The following SGK1 variants were observed in gnomAD, a reference collection of about 807,000 sequenced individuals.
SGK1 encodes serum/glucocorticoid regulated kinase 1.
In SGK1, 26 loss-of-function variants were observed where a neutral mutation model predicts 64.2. The ratio of observed to expected loss-of-function variants is 0.40; its 90% CI spans 0.30 to 0.56. The LOEUF is 0.56. SGK1 is among the 20% of genes least tolerant of loss of function. The pLI, the probability that SGK1 is intolerant of heterozygous loss-of-function variation, is 0.38. For synonymous variants in SGK1, 265 were observed against 239.7 expected, an observed-to-expected ratio of 1.11 and a Z score of -0.98; for missense variants, 519 against 645.6, an observed-to-expected ratio of 0.80 and a Z score of 2.12.
At chr6:134,290,525 AT>A (rs1317119121) in intron 1 of SGK1, among the ~76,000 whole-genome samples, 1 of 152,028 alleles carries the variant, frequency 6.6e-6, no homozygotes, top group African/African-American at 2.4e-5. Flanking sequence ...CTTGAAATTA[AT>A]GTTCCAAATA....
chr6:134,187,835 G>T (rs748911226), intron 3 of SGK1, among the ~76,000 whole-genome samples: 2 of 152,220 alleles, frequency 1.3e-5, no homozygotes, highest in Non-Finnish European at 1.5e-5. Context: ...GTCTACTGCA[G>T]TAAGGACAAA....
chr6:134,182,737 T>C (rs1775349982), intron 3 of SGK1, among the ~76,000 whole-genome samples: 1 of 152,230 alleles, frequency 6.6e-6, no homozygotes. Context: ...AGGCGAGGCC[T>C]ATGTGACAGG....
chr6:134,250,629 T>C (rs972831954), intron 2 of SGK1, among the ~76,000 whole-genome samples: 8 of 152,222 alleles, frequency 5.3e-5, no homozygotes, highest in African/African-American at 1.7e-4. Flanking sequence ...ATAAGAAATA[T>C]CAAGGTGATA....
chr6:134,265,202 G>A (rs1052774871), intron 1 of SGK1, among the ~76,000 whole-genome samples: 2 of 152,080 alleles, frequency 1.3e-5, no homozygotes, highest in Non-Finnish European at 2.9e-5. Flanking sequence ...GCTCACGCCT[G>A]TAATCCCAGC....
intron 2 of SGK1, among the ~76,000 whole-genome samples, chr6:134,246,134 C>T (rs112758761): frequency 7.2e-5 from 11 of 151,782 alleles, no homozygotes; most frequent in African/African-American, 2.4e-4. Context: ...ATGGTTGAGG[C>T]TTGTTTCTTT....
At chr6:134,307,539 A>G (rs968783050) in intron 1 of SGK1, among the ~76,000 whole-genome samples, 7 of 152,252 alleles carry the variant, frequency 4.6e-5, no homozygotes, top group Admixed American at 1.3e-4. Context: ...TCGCATTTGC[A>G]TATAGCCAAT....
chr6:134,287,660 A>G (rs1403465195), intron 1 of SGK1, among the ~76,000 whole-genome samples: 3 of 151,936 alleles, frequency 2.0e-5, no homozygotes, highest in African/African-American at 7.2e-5. Flanking sequence ...TATATATTTA[A>G]TAGTATTAAA....
intron 1 of SGK1, among the ~76,000 whole-genome samples, chr6:134,274,782 T>C (rs1302065158): frequency 1.4e-5 from 2 of 147,048 alleles, no homozygotes; most frequent in African/African-American, 2.5e-5. Flanking sequence ...GGTATTGCCC[T>C]TTTAGTCTTT....
At position 134,269,657 on chromosome 6, in the gene SGK1, CAA is replaced by C. The variant is rs774346061; in HGVS notation, c.70-7511_70-7510del. The stretch of plus-strand genomic sequence containing the variant: ...TGGATGAAAGAGTGAGACTCTGTCT[CAA>C]AAAAAAAAAAAAAGAGAGAGAGAAA... On this transcript the variant is annotated intron_variant, in intron 1 of 13. Transcript: ENST00000367858. Among the ~76,000 whole-genome samples, 39 of 101,560 alleles carry C rather than the reference CAA, an allele frequency of 3.8e-4. 1 individual carries two copies. The highest frequency in any genetic ancestry group is 4.3e-4 in the Admixed American group (4 of 9,210). 66.6% of individuals were successfully genotyped at this position (101,560 alleles called of 152,430 possible).
rs989648759 is a variant in SGK1, at chr6:134,317,288, A to T, written c.69+104T>A. ...CACTGCCATCAGAAGCACGGCTTAC[A>T]TTAAGGGTTTAGCAACAAAACCTCA... On this transcript the variant is annotated intron_variant, in intron 1 of 13. Coordinates refer to ENST00000367858, the MANE Select transcript of SGK1 (RefSeq NM_001143676.3). 3.7e-6 allele frequency: 3 copies of T among 802,394 alleles called. No individual in the cohort carries two copies. The East Asian group carries it at 7.3e-5, about 19-fold the overall frequency. The allele number at this position is 802,394 out of a possible 1,614,324, so 49.7% of individuals were successfully genotyped here.
intron 3 of SGK1, among the ~76,000 whole-genome samples, chr6:134,200,662 G>A (rs1775666091): frequency 6.6e-6 from 1 of 152,170 alleles, no homozygotes; most frequent in Admixed American, 6.5e-5. Flanking sequence ...CAAGCACTTT[G>A]GGAGGCCAAG....
chr6:134,202,938 G>C (rs985938203), intron 3 of SGK1, among the ~76,000 whole-genome samples: 4 of 152,156 alleles, frequency 2.6e-5, no homozygotes, highest in African/African-American at 9.7e-5. Context: ...GATGGTCTAT[G>C]AAAATTTAAA....
In SGK1 at chr6:134,170,334, G is replaced by A. The variant is rs373203227; in HGVS notation, c.1515C>T (p.Ser505=). 15 of 1,613,950 alleles carry A rather than the reference G, an allele frequency of 9.3e-6. No homozygotes were observed. In the African/African-American group the frequency reaches 1.2e-4, roughly 13 times the overall value. The change falls in exon 14 of 14, where the codon AGC becomes AGT. Residue 505 remains serine (S), a synonymous_variant. Coordinates refer to ENST00000367858, the MANE Select transcript of SGK1 (RefSeq NM_001143676.3). ...GGAAAGCCTCGGCAGCTTCCTTGAC[G>A]CTGGCTGTGACGAGGACGCTGTCAG... The part of the protein sequence containing the change: ...KSPDSVLVTA[S]VKEAAEAFLG...
At chr6:134,174,658 C>T (rs1775155398) in intron 3 of SGK1, 72 bp from the exon 4 acceptor site, 2 of 1,608,030 alleles carry the variant, frequency 1.2e-6, no homozygotes, top group African/African-American at 1.3e-5. Context: ...ACACACTAAT[C>T]TGATCCGGGA....
chr6:134,298,430 G>C, intron 1 of SGK1: 1 of 934,462 alleles, frequency 1.1e-6, no homozygotes, highest in South Asian at 1.3e-5. Flanking sequence ...CCCTTCTTTT[G>C]GGTGCGCAGG....
intron 1 of SGK1, among the ~76,000 whole-genome samples, chr6:134,281,250 T>C (rs1777090143): frequency 6.6e-6 from 1 of 152,176 alleles, no homozygotes; most frequent in African/African-American, 2.4e-5. Flanking sequence ...ATTTTAGTAC[T>C]GTTAGAAGAT....
intron 1 of SGK1, chr6:134,298,554 C>T: frequency 1.2e-6 from 1 of 830,894 alleles, no homozygotes; most frequent in Non-Finnish European, 2.1e-6. Context: ...ACCCAGGCTA[C>T]CCTGGAAGCT....
At chr6:134,203,527 A>G (rs1003528948) in intron 3 of SGK1, among the ~76,000 whole-genome samples, 5 of 152,206 alleles carry the variant, frequency 3.3e-5, no homozygotes, top group South Asian at 2.1e-4. Flanking sequence ...AGATCATTAG[A>G]TAGGATTTTA....
chr6:134,174,875 G>C (rs988784695), intron 3 of SGK1: 3 of 1,607,386 alleles, frequency 1.9e-6, no homozygotes, highest in Non-Finnish European at 2.5e-6. Context: ...GCGCCAGGCC[G>C]CGCGCTCGGC....
Sources: allele counts gnomAD v4.1 joint callset (sites outside exome capture counted in the v4.1 genomes callset), GRCh38; gene constraint gnomAD v4.1.1; transcripts MANE v1.5; gene names NCBI Gene and HGNC (gene_info 2026-07-23, HGNC 2026-07-21).